ABHD18: variants seen among roughly 807,000 people sequenced by gnomAD.
The protein encoded by ABHD18 is abhydrolase domain containing 18.
Under a neutral mutation model 65.9 loss-of-function variants are expected in ABHD18, and 55 were observed. The observed-to-expected ratio is 0.84, with a 90% CI of 0.67 to 1.05. ABHD18 has a LOEUF of 1.05. ABHD18 is among the 50% of genes least tolerant of loss of function. The pLI is 0.00. For missense variants in ABHD18, 533 were observed against 558.5 expected (o/e 0.95, Z 0.46); for synonymous variants, 181 against 180.2 (o/e 1.00, Z -0.04).
At chr4:127,989,922 C>A in intron 4 of ABHD18, 101 bp downstream of exon 4, 1 of 658,702 alleles carries the variant, frequency 1.5e-6, no homozygotes, top group Non-Finnish European at 2.4e-6. Flanking sequence ...ACAAGGCAGG[C>A]CTAAATTATT....
intron 3 of ABHD18, among the ~76,000 whole-genome samples, chr4:127,984,677 A>G (rs905406705): frequency 6.6e-6 from 1 of 152,084 alleles, no homozygotes; most frequent in Non-Finnish European, 1.5e-5. Flanking sequence ...ACCAACATGG[A>G]GAAACCCCGT....
At chr4:128,027,193 G>A (rs1441622749) in intron 10 of ABHD18, among the ~76,000 whole-genome samples, 3 of 152,118 alleles carry the variant, frequency 2.0e-5, no homozygotes, top group Non-Finnish European at 4.4e-5. Flanking sequence ...AGAAACAATA[G>A]ATTATACCAT....
intron 8 of ABHD18, among the ~76,000 whole-genome samples, chr4:128,018,528 A>G (rs894960164): frequency 5.3e-5 from 8 of 152,134 alleles, no homozygotes; most frequent in Non-Finnish European, 1.0e-4. Context: ...AGTTGTGGCT[A>G]CATGGGAGGT....
At chr4:128,032,072 C>G (rs1349402680) in intron 12 of ABHD18, among the ~76,000 whole-genome samples, 3 of 151,990 alleles carry the variant, frequency 2.0e-5, no homozygotes, top group Admixed American at 1.3e-4. Context: ...GGGAGTATAG[C>G]TAAGACGTAT....
At chr4:127,982,347 G>A (rs184988773) in intron 1 of ABHD18, among the ~76,000 whole-genome samples, 1 of 152,208 alleles carries the variant, frequency 6.6e-6, no homozygotes, top group Admixed American at 6.5e-5. Flanking sequence ...ATAGATAAAT[G>A]GTATAAAAGT....
In ABHD18 at chr4:128,033,815, C is replaced by T. The variant is rs189296429; in HGVS notation, c.1344-1947C>T. On this transcript the variant is annotated intron_variant, in intron 12 of 12. Transcript: ENST00000645843. ...CCTCCCAAAGTTCTGGGATTACAGG[C>T]GTGAGCCACCGCACCCGGCTAAAGA... Among the ~76,000 whole-genome samples the T allele has an allele frequency of 2.0e-3, 304 of 152,004 alleles. 1 individual carries two copies. The highest frequency in any genetic ancestry group is 6.8e-3 in the African/African-American group (283 of 41,480).
At chr4:128,003,885 A>G (rs1246203947) in intron 4 of ABHD18, among the ~76,000 whole-genome samples, 1 of 150,750 alleles carries the variant, frequency 6.6e-6, no homozygotes, top group Non-Finnish European at 1.5e-5. Flanking sequence ...CAGAGGTTGC[A>G]GTGAGCTAAG....
At chr4:128,002,165 C>T (rs1388896181) in intron 4 of ABHD18, among the ~76,000 whole-genome samples, 1 of 151,992 alleles carries the variant, frequency 6.6e-6, no homozygotes, top group Non-Finnish European at 1.5e-5. Context: ...ATCTCAGCTA[C>T]TCTGCAGGCT....
chr4:128,023,736 C>T (rs1303106118), intron 10 of ABHD18, among the ~76,000 whole-genome samples: 6 of 152,112 alleles, frequency 3.9e-5, no homozygotes, highest in Middle Eastern at 3.4e-3. Context: ...AAAAATTAGC[C>T]GGGCGTGGTG....
At chr4:128,018,244 A>C (rs569121602) in intron 8 of ABHD18, among the ~76,000 whole-genome samples, 5 of 152,160 alleles carry the variant, frequency 3.3e-5, no homozygotes, top group African/African-American at 1.2e-4. Flanking sequence ...AGCATTTGAG[A>C]TATTGAGGGC....
At chr4:128,019,516 G>GA (rs1756113033) in intron 8 of ABHD18, among the ~76,000 whole-genome samples, 1 of 152,190 alleles carries the variant, frequency 6.6e-6, no homozygotes, top group Non-Finnish European at 1.5e-5. Context: ...TCCATTTCAT[G>GA]AAGCCTGCCT....
At chr4:127,979,352 G>A (rs1007301693) in intron 1 of ABHD18, among the ~76,000 whole-genome samples, 2 of 151,804 alleles carry the variant, frequency 1.3e-5, no homozygotes, top group South Asian at 2.1e-4. Flanking sequence ...TCAGGAAATC[G>A]AGACCATCCT....
At chr4:127,993,735 A>G (rs537109282) in intron 4 of ABHD18, among the ~76,000 whole-genome samples, 4 of 152,264 alleles carry the variant, frequency 2.6e-5, no homozygotes, top group African/African-American at 9.6e-5. Flanking sequence ...TTGGTATTCC[A>G]TACTGTGACT....
chr4:128,030,869 C>G, intron 12 of ABHD18, 197 bp downstream of exon 12: 9 of 1,344,018 alleles, frequency 6.7e-6, no homozygotes, highest in Non-Finnish European at 8.5e-6. Context: ...TTCTAGAGAA[C>G]TAAGCATGAT....
intron 7 of ABHD18, among the ~76,000 whole-genome samples, chr4:128,013,912 A>G (rs879590940): frequency 9.9e-5 from 15 of 151,712 alleles, no homozygotes; most frequent in Non-Finnish European, 1.6e-4. Flanking sequence ...TTGATAGTTT[A>G]TAATGAACTT....
intron 1 of ABHD18, among the ~76,000 whole-genome samples, chr4:127,976,484 G>A (rs2149052325): frequency 6.6e-6 from 1 of 152,160 alleles, no homozygotes; most frequent in Non-Finnish European, 1.5e-5. Context: ...TGAAAAAAAT[G>A]TTATCTGAAA....
rs113822684 is a variant in ABHD18 at position 128,026,297 on chromosome 4, CA to C, written c.802-2166del. On this transcript the variant is annotated intron_variant, in intron 10 of 12. Transcript: ENST00000645843. ...GAGCGAGACTTCTTCTGAACAACAA[CA>C]AAAAAAAAAAATTAGCCAGGCATGG... Among the ~76,000 whole-genome samples, 1,020 of 147,430 alleles carry C rather than the reference CA, an allele frequency of 6.9e-3. 18 individuals are homozygous for C. Among genetic ancestry groups the C allele is most frequent in the African/African-American group, 0.024 (966 of 39,770 alleles).
chr4:128,023,308 G>A (rs1011046555), intron 10 of ABHD18, among the ~76,000 whole-genome samples: 4 of 139,304 alleles, frequency 2.9e-5, no homozygotes, highest in Non-Finnish European at 4.6e-5. Flanking sequence ...GCACATGCCT[G>A]TAATCACAGC....
chr4:128,003,317 G>A (rs147503898), intron 4 of ABHD18, among the ~76,000 whole-genome samples: 4,436 of 151,054 alleles, frequency 0.029, 201 homozygotes, highest in African/African-American at 0.1. Flanking sequence ...GCAGTGAGCC[G>A]AGATCGCGCC....
Sources: allele counts gnomAD v4.1 joint callset (sites outside exome capture counted in the v4.1 genomes callset), GRCh38; gene constraint gnomAD v4.1.1; transcripts MANE v1.5; gene names NCBI Gene and HGNC (gene_info 2026-07-23, HGNC 2026-07-21).